Variants in CNTN4 observed in about 807,000 individuals in gnomAD.
CNTN4 encodes contactin-4.
CNTN4 carries 77 observed loss-of-function variants against 122.5 expected under a neutral mutation model. The observed-to-expected ratio is 0.63, with a 90% confidence interval of 0.52 to 0.76. The LOEUF is 0.76. Ranked by LOEUF, CNTN4 falls within the 30% of genes least tolerant of loss-of-function variation. The probability of loss-of-function intolerance (pLI) is 0.00; values close to 1 mark genes in which losing one functional copy is unlikely to be tolerated. For synonymous variants in CNTN4, 512 were observed against 447.0 expected, an observed-to-expected ratio of 1.15 and a Z score of -1.83; for missense variants, 1,256 against 1,259.1, an observed-to-expected ratio of 1.00 and a Z score of 0.04.
intron 2 of CNTN4, among the ~76,000 whole-genome samples, chr3:2,327,466 T>G (rs1285329027): frequency 2.0e-5 from 3 of 152,202 alleles, no homozygotes; most frequent in Non-Finnish European, 2.9e-5. Flanking sequence ...TATTTTATAT[T>G]TGTTTTAGCG....
chr3:2,382,294 C>T (rs939088492), intron 3 of CNTN4, among the ~76,000 whole-genome samples: 87 of 151,864 alleles, frequency 5.7e-4, no homozygotes, highest in Middle Eastern at 6.8e-3. Context: ...CTCAGCCTCC[C>T]GAGTAGCTGG....
rs954876311 is a variant in CNTN4 at position 2,881,444 on chromosome 3, C to G, written c.653-1701C>G. Among the ~76,000 whole-genome samples the G allele has an allele frequency of 4.0e-5, 6 of 149,800 alleles. No individual in the cohort carries two copies. The South Asian group carries it at 1.3e-3, about 32-fold the overall frequency. On this transcript the variant is annotated intron_variant, in intron 8 of 24. Transcript: ENST00000418658. ...ACAAGAATTGCTTGAACCCGGGAGG[C>G]GGAGGTTGCAGTGAGCCAAAATTGT...
At chr3:2,890,804 C>G (rs1404397120) in intron 10 of CNTN4, among the ~76,000 whole-genome samples, 3 of 152,156 alleles carry the variant, frequency 2.0e-5, no homozygotes, top group African/African-American at 7.2e-5. Context: ...AACATTTTTA[C>G]CCTACCCCAT....
At chr3:2,110,165 TCAGA>T (rs2032830067) in intron 2 of CNTN4, among the ~76,000 whole-genome samples, 1 of 152,226 alleles carries the variant, frequency 6.6e-6, no homozygotes, top group African/African-American at 2.4e-5. Flanking sequence ...GGCCTTGGAA[TCAGA>T]CAGACCTGGT....
chr3:2,837,597 A>G (rs996521697), intron 7 of CNTN4, among the ~76,000 whole-genome samples: 1 of 152,200 alleles, frequency 6.6e-6, no homozygotes, highest in Non-Finnish European at 1.5e-5. Context: ...CCCAAATGGC[A>G]CTGTAGCCTA....
At chr3:2,424,413 G>A (rs765351429) in intron 3 of CNTN4, among the ~76,000 whole-genome samples, 2 of 151,900 alleles carry the variant, frequency 1.3e-5, no homozygotes, top group Non-Finnish European at 2.9e-5. Flanking sequence ...TTTTATGGCC[G>A]CATAGTATTC....
rs1699446843 is a variant in CNTN4 at position 3,034,670 on chromosome 3, A to G, written c.1822A>G (p.Ile608Val). 1.2e-6 allele frequency: 2 copies of G among 1,614,132 alleles called. No individual in the cohort carries two copies. Among genetic ancestry groups the G allele is most frequent in the Non-Finnish European group, 1.7e-6 (2 of 1,180,020 alleles). The stretch of plus-strand genomic sequence containing the variant: ...CCCAGAGGCTGTGACAATAGACGAA[A>G]TCACAGATACCACTGCTCAGCTCTC... ...GPPEAVTIDE[I>V]TDTTAQLSWR... Residue 608 changes from isoleucine to valine, a missense_variant, in exon 17 of 25, where the codon ATC becomes GTC. Physicochemically the swap from Ile to Val is conservative, Grantham distance 29. Transcript: ENST00000418658.
At chr3:2,473,731 G>C (rs760393900) in intron 3 of CNTN4, among the ~76,000 whole-genome samples, 2 of 152,036 alleles carry the variant, frequency 1.3e-5, no homozygotes, top group Non-Finnish European at 2.9e-5. Context: ...AACATTTGCC[G>C]GCCAGGCGCG....
At chr3:2,241,348 A>G (rs959907547) in intron 2 of CNTN4, among the ~76,000 whole-genome samples, 6 of 152,130 alleles carry the variant, frequency 3.9e-5, no homozygotes, top group Admixed American at 1.3e-4. Context: ...GCTGACATCA[A>G]GAGTGTTCCC....
chr3:2,457,707 C>G (rs1027159686), intron 3 of CNTN4, among the ~76,000 whole-genome samples: 1 of 152,118 alleles, frequency 6.6e-6, no homozygotes, highest in East Asian at 1.9e-4. Flanking sequence ...TAGCCCCTGT[C>G]TGCCATATTG....
rs1005149245 is a variant in CNTN4 at position 2,272,123 on chromosome 3, C to A, written c.-144-67055C>A. Among the ~76,000 whole-genome samples, 8 of 150,874 alleles carry A rather than the reference C, an allele frequency of 5.3e-5. No individual in the cohort carries two copies. The East Asian group carries it at 1.4e-3, about 26-fold the overall frequency. ...ATCCTGTGATAAATTCTAATGAGTA[C>A]TTTCTTGATTTGGCTTTAACATTTT... On this transcript the variant is annotated intron_variant, in intron 2 of 24. Coordinates refer to ENST00000418658, the MANE Select transcript of CNTN4 (RefSeq NM_175607.3).
intron 14 of CNTN4, among the ~76,000 whole-genome samples, chr3:3,019,765 A>AATATATATATATATATAT (rs67229453): frequency 1.4e-5 from 2 of 138,036 alleles, no homozygotes; most frequent in African/African-American, 5.4e-5. Flanking sequence ...TGTGTACACA[A>AATATATATATATATATAT]ATATATATAT....
chr3:2,244,932 A>G (rs2040083980), intron 2 of CNTN4, among the ~76,000 whole-genome samples: 1 of 152,108 alleles, frequency 6.6e-6, no homozygotes, highest in South Asian at 2.1e-4. Context: ...AACTTAAAAA[A>G]TTCATGATAT....
intron 4 of CNTN4, among the ~76,000 whole-genome samples, chr3:2,651,211 C>T (rs1451611136): frequency 6.6e-6 from 1 of 152,166 alleles, no homozygotes; most frequent in East Asian, 1.9e-4. Context: ...TCACCACCTC[C>T]TTTGATCTCA....
intron 3 of CNTN4, among the ~76,000 whole-genome samples, chr3:2,448,058 T>C (rs1258053624): frequency 6.6e-6 from 1 of 152,162 alleles, no homozygotes; most frequent in Non-Finnish European, 1.5e-5. Flanking sequence ...AGAGAAAATT[T>C]TGTGTGAAAA....
chr3:2,421,580 C>CT (rs1183517372), intron 3 of CNTN4, among the ~76,000 whole-genome samples: 6 of 152,180 alleles, frequency 3.9e-5, no homozygotes, highest in Non-Finnish European at 7.4e-5. Flanking sequence ...ATCTTGATTT[C>CT]TTTTTTCTTC....
At chr3:3,043,974 T>G (rs1323212521) in intron 23 of CNTN4, among the ~76,000 whole-genome samples, 2 of 152,226 alleles carry the variant, frequency 1.3e-5, no homozygotes, top group East Asian at 3.8e-4. Context: ...AAAAATACCC[T>G]GAAGAACCAC....
intron 4 of CNTN4, among the ~76,000 whole-genome samples, chr3:2,714,738 T>C (rs1315470790): frequency 6.6e-6 from 1 of 152,172 alleles, no homozygotes; most frequent in African/African-American, 2.4e-5. Flanking sequence ...TTTATTTATG[T>C]ATTTTTATGT....
chr3:2,575,980 A>G (rs542527590), intron 4 of CNTN4, among the ~76,000 whole-genome samples: 110 of 151,888 alleles, frequency 7.2e-4, no homozygotes, highest in African/African-American at 1.8e-3. Context: ...GACTACAGGC[A>G]CATGCCACCA....
Sources: gnomAD v4.1 joint callset for allele counts (sites outside exome capture counted in the v4.1 genomes callset) on GRCh38, gnomAD v4.1.1 for gene constraint, MANE v1.5 for transcripts, NCBI Gene and HGNC (gene_info 2026-07-23, HGNC 2026-07-21) for gene names.